Variants in TAFA2 observed in about 807,000 individuals in gnomAD.
TAFA2 encodes TAFA chemokine like family member 2.
TAFA2 carries 7 observed loss-of-function variants against 18.8 expected under a neutral mutation model. The ratio of observed to expected loss-of-function variants is 0.37; its 90% CI spans 0.21 to 0.70. The LOEUF is 0.70. Among genes scored for constraint, TAFA2 ranks in the 30% least tolerant of loss-of-function variants. The pLI, the probability that TAFA2 is intolerant of heterozygous loss-of-function variation, is 0.53. For missense variants in TAFA2, 122 were observed against 158.1 expected, an observed-to-expected ratio of 0.77 and a Z score of 1.23; for synonymous variants, 60 against 54.2, an observed-to-expected ratio of 1.11 and a Z score of -0.47.
At chr12:62,028,042 G>T (rs1881354325) in intron 1 of TAFA2, among the ~76,000 whole-genome samples, 1 of 152,144 alleles carries the variant, frequency 6.6e-6, no homozygotes, top group Admixed American at 6.5e-5. Context: ...ATAGAGGTAA[G>T]CTCCAGGGTC....
intron 4 of TAFA2, among the ~76,000 whole-genome samples, chr12:61,713,239 G>A (rs1869495885): frequency 6.6e-6 from 1 of 152,094 alleles, no homozygotes; most frequent in Admixed American, 6.6e-5. Flanking sequence ...GTTCAAATGA[G>A]GCAGATGCTG....
rs976292102 is a variant in TAFA2 at position 61,708,592 on chromosome 12, T to C, written c.*1814A>G. On this transcript the variant is annotated 3_prime_UTR_variant, in exon 5 of 5. Transcript: ENST00000416284. Reference sequence around the variant, plus strand: ...AAACCCCAGGGCAACTTTTTTTTTATAATTTCATATAGTCTTGAGCCATTG... The same window carrying C: ...AAACCCCAGGGCAACTTTTTTTTTACAATTTCATATAGTCTTGAGCCATTG... The C allele has an allele frequency of 6.6e-6, 1 of 152,096 alleles. No individual in the cohort carries two copies. The allele number at this position is 152,096 out of a possible 1,614,324, so 9.4% of individuals were successfully genotyped here. A position where few individuals can be genotyped will look rare whatever the true frequency, so the allele number is the denominator to read the frequency against.
chr12:61,740,420 C>T (rs11174150), intron 4 of TAFA2, among the ~76,000 whole-genome samples: 47,072 of 151,270 alleles, frequency 0.31, 7,508 homozygotes, highest in South Asian at 0.38. Flanking sequence ...CACCGTGGCA[C>T]GTGTATACCT....
At chr12:61,923,829 C>T (rs1451747408) in intron 1 of TAFA2, among the ~76,000 whole-genome samples, 1 of 151,820 alleles carries the variant, frequency 6.6e-6, no homozygotes, top group Non-Finnish European at 1.5e-5. Flanking sequence ...TGCAAGGAAG[C>T]TAAGAACCTT....
intron 1 of TAFA2, among the ~76,000 whole-genome samples, chr12:61,917,764 T>A (rs1876885254): frequency 6.6e-6 from 1 of 152,082 alleles, no homozygotes; most frequent in African/African-American, 2.4e-5. Flanking sequence ...GTCACACAAC[T>A]CCTACATCAG....
chr12:61,964,668 T>C (rs992208997), intron 1 of TAFA2, among the ~76,000 whole-genome samples: 1 of 151,840 alleles, frequency 6.6e-6, no homozygotes, highest in Non-Finnish European at 1.5e-5. Context: ...CATTCATCCA[T>C]CCATTCATTA....
intron 1 of TAFA2, among the ~76,000 whole-genome samples, chr12:62,210,644 G>C (rs1271089829): frequency 6.6e-6 from 1 of 152,132 alleles, no homozygotes; most frequent in East Asian, 1.9e-4. Context: ...ATGGCAAAAA[G>C]CATGTACATA....
At chr12:62,196,111 T>A (rs1285828127), upstream of TAFA2, among the ~76,000 whole-genome samples, 1 of 152,228 alleles carries the variant, frequency 6.6e-6, no homozygotes, top group Non-Finnish European at 1.5e-5. Flanking sequence ...TTAAATCTCA[T>A]GAACCAACCT....
chr12:62,094,428 C>A (rs1351864718), intron 1 of TAFA2, among the ~76,000 whole-genome samples: 1 of 151,898 alleles, frequency 6.6e-6, no homozygotes, highest in Non-Finnish European at 1.5e-5. Context: ...TCAGAAATCA[C>A]CACTGAAGAA....
chr12:62,016,273 T>C (rs1287383945), intron 1 of TAFA2, among the ~76,000 whole-genome samples: 1 of 152,202 alleles, frequency 6.6e-6, no homozygotes, highest in Non-Finnish European at 1.5e-5. Context: ...TATTATTATG[T>C]GACCAGTGAG....
At chr12:62,137,419 T>C (rs1419406529) in intron 1 of TAFA2, among the ~76,000 whole-genome samples, 2 of 152,068 alleles carry the variant, frequency 1.3e-5, no homozygotes, top group East Asian at 3.9e-4. Context: ...GAAACAATGG[T>C]TCCAAGAAGT....
At chr12:61,794,404 TA>T (rs1386670855) in intron 2 of TAFA2, among the ~76,000 whole-genome samples, 2 of 152,014 alleles carry the variant, frequency 1.3e-5, no homozygotes, top group Non-Finnish European at 2.9e-5. Context: ...ATTGAAATTT[TA>T]AAAATGTATA....
At chr12:62,137,248 A>G (rs930176568) in intron 1 of TAFA2, among the ~76,000 whole-genome samples, 3 of 152,178 alleles carry the variant, frequency 2.0e-5, no homozygotes, top group Non-Finnish European at 2.9e-5. Context: ...TACACTGTAA[A>G]TGATCATATA....
chr12:61,972,085 CTTTTG>C (rs1446873162), intron 1 of TAFA2, among the ~76,000 whole-genome samples: 2 of 149,596 alleles, frequency 1.3e-5, no homozygotes, highest in Non-Finnish European at 3.0e-5. Flanking sequence ...TTGTTTTTAA[CTTTTG>C]TTTTAAGTTT....
intron 1 of TAFA2, among the ~76,000 whole-genome samples, chr12:62,215,563 CAAAA>C (rs35638033): frequency 1.1e-4 from 9 of 79,004 alleles, no homozygotes; most frequent in Non-Finnish European, 2.2e-4. Flanking sequence ...ACTTGTCTTT[CAAAA>C]AAAAAAAAAA....
At chr12:61,844,714 T>A (rs1178379650) in intron 2 of TAFA2, among the ~76,000 whole-genome samples, 2 of 152,120 alleles carry the variant, frequency 1.3e-5, no homozygotes, top group African/African-American at 4.8e-5. Flanking sequence ...ATAAATAGGC[T>A]AAGATGCGTG....
intron 2 of TAFA2, among the ~76,000 whole-genome samples, chr12:61,773,310 C>T (rs1276474887): frequency 6.6e-6 from 1 of 151,808 alleles, no homozygotes; most frequent in Non-Finnish European, 1.5e-5. Flanking sequence ...CAATGCAATT[C>T]CCATCAAATT....
intron 1 of TAFA2, among the ~76,000 whole-genome samples, chr12:61,883,446 A>T (rs1188547933): frequency 6.6e-6 from 1 of 152,198 alleles, no homozygotes; most frequent in African/African-American, 2.4e-5. Flanking sequence ...GAAACATGGT[A>T]TATTCATCCA....
At chr12:62,253,939 A>G (rs1565789166) in intron 1 of TAFA2, among the ~76,000 whole-genome samples, 1 of 152,230 alleles carries the variant, frequency 6.6e-6, no homozygotes, top group Non-Finnish European at 1.5e-5. Flanking sequence ...CAGAACATTC[A>G]CAAGCATTTA....
Sources: gnomAD v4.1 joint callset for allele counts (sites outside exome capture counted in the v4.1 genomes callset) on GRCh38, gnomAD v4.1.1 for gene constraint, MANE v1.5 for transcripts, NCBI Gene and HGNC (gene_info 2026-07-23, HGNC 2026-07-21) for gene names.